Variants in MAPK8 observed in about 807,000 individuals in gnomAD.
MAPK8 encodes the protein JUN N-terminal kinase.
Under a neutral mutation model 52.9 loss-of-function variants are expected in MAPK8, and 13 were observed. The ratio of observed to expected loss-of-function variants is 0.25; its 90% confidence interval spans 0.16 to 0.39. The LOEUF (loss-of-function observed/expected upper bound fraction) is 0.39. Ranked by LOEUF, MAPK8 falls within the 10% of genes least tolerant of loss-of-function variation. The pLI is 1.00. For synonymous variants in MAPK8, 191 were observed against 169.8 expected (o/e 1.12, Z -0.97); for missense variants, 300 against 519.2 (o/e 0.58, Z 4.10).
chr10:48,352,466 C>G (rs1193795568), intron 1 of MAPK8, among the ~76,000 whole-genome samples: 1 of 152,062 alleles, frequency 6.6e-6, no homozygotes, highest in Non-Finnish European at 1.5e-5. Context: ...AAGATTGATT[C>G]AACATTTGAA....
At chr10:48,369,172 G>A (rs1848329624) in intron 1 of MAPK8, among the ~76,000 whole-genome samples, 1 of 152,154 alleles carries the variant, frequency 6.6e-6, no homozygotes, top group Non-Finnish European at 1.5e-5. Context: ...AAGAATTCAG[G>A]GGAAGGGAAC....
Position 48,435,059 on chromosome 10 carries a change from T to TTTGTGGGCCCTGGGGGGGGGGGGGGGGGG in MAPK8, c.*30_*31insTTGTGGGCCCTGGGGGGGGGGGGGGGGGG. The TTTGTGGGCCCTGGGGGGGGGGGGGGGGGG allele has an allele frequency of 2.2e-6, 1 of 448,006 alleles. No individual in the cohort carries two copies. The highest frequency in any genetic ancestry group is 2.2e-5 in the African/African-American group (1 of 46,434). The allele number at this position is 448,006 out of a possible 1,614,324, so 27.8% of individuals were successfully genotyped here. A position where few individuals can be genotyped will look rare whatever the true frequency, so the allele number is the denominator to read the frequency against. On this transcript the variant is annotated 3_prime_UTR_variant, in exon 12 of 12. Transcript: ENST00000374189. ...TTGGGCCATCGGGGGGTGGGAGGGA[T>TTTGTGGGCCCTGGGGGGGGGGGGGGGGGG]GGGGAGTCGGTTAGTCATTGATAGA...
At position 48,437,177 on chromosome 10, in the gene MAPK8, A is replaced by C. The variant is rs1564638378; in HGVS notation, c.*2148A>C. The C allele has an allele frequency of 6.6e-6, 1 of 152,254 alleles. No individual in the cohort carries two copies. The highest frequency in any genetic ancestry group is 1.9e-4 in the East Asian group (1 of 5,206). 9.4% of individuals were successfully genotyped at this position (152,254 alleles called of 1,614,324 possible). ...AATTCAAAGAAAACAAACTCTCATT[A>C]CTTAGTGTAAACTAAAATACTTAAC... On this transcript the variant is annotated 3_prime_UTR_variant, in exon 12 of 12. Transcript: ENST00000374189.
chr10:48,425,600 ATTC>A (rs1162060630), intron 7 of MAPK8: 1 of 332,544 alleles, frequency 3.0e-6, no homozygotes, highest in Non-Finnish European at 5.4e-6. Flanking sequence ...AATTGTCATT[ATTC>A]TTAGTTGCTT....
chr10:48,323,686 C>A (rs1843204065), intron 1 of MAPK8, among the ~76,000 whole-genome samples: 3 of 152,172 alleles, frequency 2.0e-5, no homozygotes, highest in Non-Finnish European at 2.9e-5. Context: ...TTCCATACAT[C>A]TTAATCATTA....
At chr10:48,406,802 A>G (rs545747214) in intron 3 of MAPK8, among the ~76,000 whole-genome samples, 2 of 152,280 alleles carry the variant, frequency 1.3e-5, no homozygotes, top group African/African-American at 4.8e-5. Context: ...TTATCTCTGA[A>G]CACACTTTGA....
chr10:48,369,632 G>A (rs1564540341), intron 1 of MAPK8, among the ~76,000 whole-genome samples: 1 of 152,042 alleles, frequency 6.6e-6, no homozygotes, highest in Non-Finnish European at 1.5e-5. Flanking sequence ...ATGGGAGAGT[G>A]TAACAAGACA....
chr10:48,346,080 C>T (rs1340966715), intron 1 of MAPK8, among the ~76,000 whole-genome samples: 1 of 152,086 alleles, frequency 6.6e-6, no homozygotes, highest in African/African-American at 2.4e-5. Flanking sequence ...AATATGAGTC[C>T]CGTCTTCCCT....
chr10:48,311,077 G>A (rs1841944215), intron 1 of MAPK8, among the ~76,000 whole-genome samples: 1 of 152,022 alleles, frequency 6.6e-6, no homozygotes, highest in African/African-American at 2.4e-5. Flanking sequence ...TGTCAAATGA[G>A]AATAATAATA....
intron 11 of MAPK8, among the ~76,000 whole-genome samples, chr10:48,433,307 A>G (rs1323924411): frequency 6.6e-6 from 1 of 152,218 alleles, no homozygotes; most frequent in Admixed American, 6.5e-5. Context: ...ACCCTGAACT[A>G]GAGGCATATA....
At chr10:48,347,152 A>G (rs1845870018) in intron 1 of MAPK8, among the ~76,000 whole-genome samples, 1 of 152,136 alleles carries the variant, frequency 6.6e-6, no homozygotes, top group Admixed American at 6.5e-5. Flanking sequence ...GTCCCTACAA[A>G]AGCCTAGTGA....
chr10:48,402,764 G>A (rs761360007), intron 2 of MAPK8, among the ~76,000 whole-genome samples: 13 of 152,258 alleles, frequency 8.5e-5, no homozygotes, highest in Non-Finnish European at 1.8e-4. Flanking sequence ...TTTTACATGT[G>A]CACAGGGAGT....
intron 1 of MAPK8, among the ~76,000 whole-genome samples, chr10:48,394,303 AC>A (rs1389019556): frequency 6.6e-6 from 1 of 151,960 alleles, no homozygotes; most frequent in Non-Finnish European, 1.5e-5. Context: ...ATGAAAGAAA[AC>A]TACAGTCCAG....
chr10:48,308,183 G>A (rs1175272019), intron 1 of MAPK8: 1 of 152,172 alleles, frequency 6.6e-6, no homozygotes, highest in East Asian at 1.9e-4. Context: ...TGCTCTAAGT[G>A]AACATGTTTA....
At chr10:48,372,133 A>T (rs899753588) in intron 1 of MAPK8, among the ~76,000 whole-genome samples, 1 of 152,058 alleles carries the variant, frequency 6.6e-6, no homozygotes, top group African/African-American at 2.4e-5. Context: ...TATCGACTCA[A>T]CCTTCAGCTC....
intron 7 of MAPK8, chr10:48,425,261 G>A (rs1217396058): frequency 5.5e-6 from 4 of 723,700 alleles, no homozygotes; most frequent in South Asian, 4.6e-5. Context: ...GGAGTGTAAA[G>A]ACTAGAGGAA....
intron 1 of MAPK8, among the ~76,000 whole-genome samples, chr10:48,320,258 C>T (rs1456741937): frequency 1.4e-4 from 13 of 96,226 alleles, no homozygotes; most frequent in African/African-American, 4.8e-4. Context: ...TAGATCAGGT[C>T]TTGCTCTGTC....
At chr10:48,420,662 TTTA>T (rs1176877115) in intron 6 of MAPK8, among the ~76,000 whole-genome samples, 5 of 152,146 alleles carry the variant, frequency 3.3e-5, no homozygotes, top group Non-Finnish European at 7.3e-5. Context: ...GTACTGACAG[TTTA>T]TTATTAGTGT....
chr10:48,399,634 AT>A (rs1427589177), intron 1 of MAPK8, among the ~76,000 whole-genome samples: 1 of 152,162 alleles, frequency 6.6e-6, no homozygotes, highest in African/African-American at 2.4e-5. Flanking sequence ...ATGTTCCTGG[AT>A]CTACTCAAGC....
Sources: allele counts gnomAD v4.1 joint callset (sites outside exome capture counted in the v4.1 genomes callset), GRCh38; gene constraint gnomAD v4.1.1; transcripts MANE v1.5; gene names NCBI Gene and HGNC (gene_info 2026-07-23, HGNC 2026-07-21).